PARP3: variants seen among roughly 807,000 people sequenced by gnomAD.
The protein encoded by PARP3 is protein mono-ADP-ribosyltransferase PARP3.
A neutral mutation model predicts 58.2 loss-of-function variants in PARP3; 46 were observed. The observed-to-expected ratio is 0.79, with a 90% CI of 0.62 to 1.01. PARP3 has a LOEUF of 1.01. Ranked by LOEUF, PARP3 falls within the 50% of genes least tolerant of loss-of-function variation. The pLI is 0.00. For missense variants in PARP3, 663 were observed against 683.9 expected (o/e 0.97, Z 0.34); for synonymous variants, 252 against 266.4 (o/e 0.95, Z 0.53).
rs757047542 is a variant in PARP3, at chr3:51,944,905, A to G, written c.629A>G (p.Asp210Gly). ...TTCAAGAACACCATGGCCCTCATGGACCTGGGTGAGGGGTGAGAGGCAGGC... is the reference window on the plus strand; with the variant it reads ...TTCAAGAACACCATGGCCCTCATGGGCCTGGGTGAGGGGTGAGAGGCAGGC... ...EMFKNTMALM[D>G]LDVKKMPLGK... The change falls in exon 5 of 11, where the codon GAC becomes GGC. Residue 210 changes from aspartate to glycine, a missense_variant. Physicochemically the swap from Asp to Gly is moderately conservative, Grantham distance 94 (BLOSUM62 -1). Around this residue, in one of 3 missense-constraint regions of PARP3, gnomAD observed 567 missense variants for 553.6 expected, o/e 1.02. Coordinates refer to ENST00000398755, the MANE Select transcript of PARP3 (RefSeq NM_001003931.4). The surrounding 1 kb of genome is among the most constrained non-coding windows in gnomAD (Gnocchi z 4.2). 3.7e-6 allele frequency: 6 copies of G among 1,613,844 alleles called. No individual in the cohort carries two copies. The South Asian group carries it at 6.6e-5, about 18-fold the overall frequency.
At position 51,948,532 on chromosome 3, in the gene PARP3, C is replaced by T; in HGVS notation, c.*52C>T. On this transcript the variant is annotated 3_prime_UTR_variant, in exon 11 of 11. Transcript: ENST00000398755. ...GCAAGGCTGGACTGTGATCTTCAAT[C>T]ATCCTGCCCATCTCTGGTACCCCTA... 1 of 1,509,044 alleles carries T rather than the reference C, an allele frequency of 6.6e-7. No individual in the cohort carries two copies. The highest frequency in any genetic ancestry group is 9.2e-7 in the Non-Finnish European group (1 of 1,089,682). The allele number at this position is 1,509,044 out of a possible 1,614,324, so 93.5% of individuals were successfully genotyped here.
chr3:51,945,430 TGA>T (rs1032832565), intron 6 of PARP3, 63 bp from the exon 7 acceptor site: 35 of 1,559,064 alleles, frequency 2.2e-5, no homozygotes, highest in African/African-American at 2.7e-5. Context: ...ACCAGTCATG[TGA>T]GAGAGGAGAG....
rs949251806 is a variant in PARP3, at chr3:51,943,278, G to A, written c.-2-76G>A. On this transcript the variant is annotated intron_variant, in intron 1 of 10. Coordinates refer to ENST00000398755, the MANE Select transcript of PARP3 (RefSeq NM_001003931.4). ...TTGGTGCTGTGCTGGCCCAGGGCAG[G>A]GGTGGGGACTGAGAGTGGGTCGTTG... 30 of 1,391,112 alleles carry A rather than the reference G, an allele frequency of 2.2e-5. 1 individual carries two copies. In the Admixed American group the frequency reaches 8.1e-4, roughly 37 times the overall value. 86.2% of individuals were successfully genotyped at this position (1,391,112 alleles called of 1,614,324 possible).
At position 51,946,266 on chromosome 3, in the gene PARP3, G is replaced by T; in HGVS notation, c.1199G>T (p.Arg400Leu). 6.2e-7 allele frequency: 1 copy of T among 1,613,968 alleles called. No homozygotes were observed. The highest frequency in any genetic ancestry group is 8.5e-7 in the Non-Finnish European group (1 of 1,179,938). ...GCCGCCATCCTCACTAGTGGGCTCC[G>T]CATCATGCCACATTCTGGTGGGCGT... ...VVAAILTSGLRIMPHSGGRVG... is the reference protein window; with the variant it reads ...VVAAILTSGLLIMPHSGGRVG... Residue 400 changes from arginine (R) to leucine (L), a missense_variant, in exon 9 of 11, where the codon CGC (arginine) becomes CTC (leucine). By Grantham distance (102) the Arg-to-Leu change is moderately radical (BLOSUM62 -2). Around this residue, in one of 3 missense-constraint regions of PARP3, gnomAD observed 567 missense variants for 553.6 expected, o/e 1.02. Coordinates refer to ENST00000398755, the MANE Select transcript of PARP3 (RefSeq NM_001003931.4). This position sits in a 1 kb window ranked among gnomAD's most constrained non-coding sequence, Gnocchi z 4.6.
intron 1 of PARP3, 56 bp downstream of exon 1, chr3:51,942,764 G>A: frequency 6.5e-7 from 1 of 1,547,116 alleles, no homozygotes; most frequent in Non-Finnish European, 8.7e-7. Flanking sequence ...GGTGGGACTG[G>A]CCTTTGCCCT....
In PARP3 at chr3:51,947,755, G is replaced by T. The variant is rs1202311231; in HGVS notation, c.1292G>T (p.Cys431Phe). The change falls in exon 10 of 11, where the codon TGT becomes TTT. Residue 431 changes from cysteine to phenylalanine, a missense_variant. Around this residue, in one of 3 missense-constraint regions of PARP3, gnomAD observed 567 missense variants for 553.6 expected, o/e 1.02. Coordinates refer to ENST00000398755, the MANE Select transcript of PARP3 (RefSeq NM_001003931.4). Reference protein sequence around the residue: ...KSAGYVIGMKCGAHHVGYMFL... With the variant: ...KSAGYVIGMKFGAHHVGYMFL... The stretch of plus-strand genomic sequence containing the variant: ...TGTCTTGCAGTTATTGGCATGAAGT[G>T]TGGGGCCCACCATGTCGGCTACATG... 6.2e-7 allele frequency: 1 copy of T among 1,614,052 alleles called. No homozygotes were observed. Among genetic ancestry groups the T allele is most frequent in the Admixed American group, 1.7e-5 (1 of 60,000 alleles).
In PARP3 at chr3:51,944,780, G is replaced by C. The variant is rs1414887866; in HGVS notation, c.504G>C (p.Val168=). ...CCACATGTGCCCTCTATCTTCAGGT[G>C]GACAGAGGCCCAGTGAGGACTGTGA... is the stretch of plus-strand genomic sequence containing the variant. ...EDEAQEAVVK[V]DRGPVRTVTK... Residue 168 remains valine, a splice_region_variant and synonymous_variant, in exon 5 of 11, where the codon GTG becomes GTC. Transcript: ENST00000398755. This position sits in a 1 kb window ranked among gnomAD's most constrained non-coding sequence, Gnocchi z 4.2. 6.2e-7 allele frequency: 1 copy of C among 1,608,534 alleles called. No individual in the cohort carries two copies. The highest frequency in any genetic ancestry group is 1.3e-5 in the African/African-American group (1 of 74,800).
rs566140616 is a variant in PARP3 at position 51,942,730 on chromosome 3, C to G, written c.-3+22C>G. ...TTGGGTGAGTGTCCTATGGTCCTGC[C>G]CACGGCAGGGCAGGGCAAGGCCTGG... On this transcript the variant is annotated intron_variant, in intron 1 of 10. Coordinates refer to ENST00000398755, the MANE Select transcript of PARP3 (RefSeq NM_001003931.4). The G allele has an allele frequency of 1.9e-6, 3 of 1,555,528 alleles. No individual in the cohort carries two copies. The South Asian group carries it at 3.6e-5, about 18-fold the overall frequency.
rs1230533247 is a variant in PARP3, at chr3:51,948,734, CA to C, written c.*255del. The C allele has an allele frequency of 5.2e-5, 24 of 462,196 alleles. No homozygotes were observed. Among genetic ancestry groups the C allele is most frequent in the Non-Finnish European group, 8.8e-5 (23 of 260,688 alleles). The allele number at this position is 462,196 out of a possible 1,614,324, so 28.6% of individuals were successfully genotyped here. A position where few individuals can be genotyped will look rare whatever the true frequency, so the allele number is the denominator to read the frequency against. ...ATTTGACTCTTTACTTGTATAAGGG[CA>C]GCTTTTATAGGTTCCACATGTAAGT... On this transcript the variant is annotated 3_prime_UTR_variant, in exon 11 of 11. Transcript: ENST00000398755.
At position 51,944,892 on chromosome 3, in the gene PARP3, A is replaced by G. The variant is rs200955531; in HGVS notation, c.616A>G (p.Met206Val). The G allele has an allele frequency of 1.2e-4, 201 of 1,613,738 alleles. No homozygotes were observed. Among genetic ancestry groups the G allele is most frequent in the Non-Finnish European group, 1.1e-4 (132 of 1,180,010 alleles). The part of the protein sequence containing the change: ...IFSKEMFKNT[M>V]ALMDLDVKKM... ...CAGCAAGGAGATGTTCAAGAACACCATGGCCCTCATGGACCTGGGTGAGGG... is the reference window on the plus strand; with the variant it reads ...CAGCAAGGAGATGTTCAAGAACACCGTGGCCCTCATGGACCTGGGTGAGGG... Residue 206 changes from methionine to valine, a missense_variant, in exon 5 of 11, where the codon ATG becomes GTG. Met to Val is a conservative substitution (Grantham distance 21). This residue lies in a region of PARP3 where 567 missense variants were observed against 553.6 expected (regional missense o/e 1.02). Transcript: ENST00000398755. This position sits in a 1 kb window ranked among gnomAD's most constrained non-coding sequence, Gnocchi z 4.2.
In PARP3 at chr3:51,946,005, C is replaced by T. The variant is rs948416306; in HGVS notation, c.1098+66C>T. 7.5e-6 allele frequency: 11 copies of T among 1,463,346 alleles called. No homozygotes were observed. Among genetic ancestry groups the T allele is most frequent in the South Asian group, 3.5e-5 (3 of 86,928 alleles). 90.6% of individuals were successfully genotyped at this position (1,463,346 alleles called of 1,614,324 possible). On this transcript the variant is annotated intron_variant, in intron 8 of 10. Transcript: ENST00000398755. The surrounding 1 kb of genome is among the most constrained non-coding windows in gnomAD (Gnocchi z 4.6). ...CCTTAGGAAGATGTCCTTGGCTAAT[C>T]GGTCCCTTAGCAAATCGTTTAGCAG...
chr3:51,943,800 C>T (rs145091736), intron 2 of PARP3, among the ~76,000 whole-genome samples: 75 of 152,250 alleles, frequency 4.9e-4, no homozygotes, highest in Non-Finnish European at 9.4e-4. Flanking sequence ...GTCTCCTGGG[C>T]GCTTGCCCAT....
In PARP3 at chr3:51,944,166, G is replaced by GGAT; in HGVS notation, c.261_262insGAT (p.Leu87_Leu88insAsp). ...ACAACAAGTTCTACATCATCCAGCT[G>GGAT]CTCCAAGACAGCAACCGCTTCTTCA... On this transcript the variant is annotated inframe_insertion, in exon 3 of 11. Transcript: ENST00000398755. The surrounding 1 kb of genome is among the most constrained non-coding windows in gnomAD (Gnocchi z 4.2). 1 of 1,613,964 alleles carries GGAT rather than the reference G, an allele frequency of 6.2e-7. No homozygotes were observed. The highest frequency in any genetic ancestry group is 8.5e-7 in the Non-Finnish European group (1 of 1,179,978).
Position 51,946,015 on chromosome 3 carries a change from G to A in PARP3, c.1098+76G>A. The A allele has an allele frequency of 7.0e-7, 1 of 1,438,360 alleles. No individual in the cohort carries two copies. The highest frequency in any genetic ancestry group is 9.7e-7 in the Non-Finnish European group (1 of 1,026,156). 89.1% of individuals were successfully genotyped at this position (1,438,360 alleles called of 1,614,324 possible). A position where few individuals can be genotyped will look rare whatever the true frequency, so the allele number is the denominator to read the frequency against. ...ATGTCCTTGGCTAATCGGTCCCTTA[G>A]CAAATCGTTTAGCAGCTCTGGTCAG... On this transcript the variant is annotated intron_variant, in intron 8 of 10. Transcript: ENST00000398755. The surrounding 1 kb of genome is among the most constrained non-coding windows in gnomAD (Gnocchi z 4.6).
At position 51,946,244 on chromosome 3, in the gene PARP3, G is replaced by T; in HGVS notation, c.1177G>T (p.Ala393Ser). The stretch of plus-strand genomic sequence containing the variant: ...TGGCACCAACATGGCCGTGGTGGCC[G>T]CCATCCTCACTAGTGGGCTCCGCAT... ...WHGTNMAVVA[A>S]ILTSGLRIMP... Residue 393 changes from alanine to serine, a missense_variant, in exon 9 of 11, where the codon GCC becomes TCC. By Grantham distance (99) the Ala-to-Ser change is moderately conservative. Coordinates refer to ENST00000398755, the MANE Select transcript of PARP3 (RefSeq NM_001003931.4). This position sits in a 1 kb window ranked among gnomAD's most constrained non-coding sequence, Gnocchi z 4.6. The T allele has an allele frequency of 6.2e-7, 1 of 1,613,898 alleles. No individual in the cohort carries two copies. Among genetic ancestry groups the T allele is most frequent in the Admixed American group, 1.7e-5 (1 of 60,004 alleles).
intron 10 of PARP3, 60 bp downstream of exon 10, chr3:51,947,955 AC>A: frequency 2.0e-6 from 3 of 1,531,420 alleles, no homozygotes; most frequent in Non-Finnish European, 2.7e-6. Flanking sequence ...AGGGGCTGGG[AC>A]ATTTTCAGGG....
At position 51,945,627 on chromosome 3, in the gene PARP3, G is replaced by A. The variant is rs1559748129; in HGVS notation, c.994G>A (p.Gly332Arg). 1 of 1,613,884 alleles carries A rather than the reference G, an allele frequency of 6.2e-7. No individual in the cohort carries two copies. The highest frequency in any genetic ancestry group is 1.1e-5 in the South Asian group (1 of 91,070). ...LKCQLQLLDS[G>R]APEYKVIQTY... ...GTGCCAGCTGCAGCTGCTAGACTCT[G>A]GAGCACCTGAGTACAAGGTGAGTTG... The change falls in exon 7 of 11, where the codon GGA becomes AGA. Residue 332 changes from glycine (G) to arginine (R), a missense_variant. Around this residue, in one of 3 missense-constraint regions of PARP3, gnomAD observed 567 missense variants for 553.6 expected, o/e 1.02. Transcript: ENST00000398755.
Position 51,945,645 on chromosome 3 carries a change from G to C in PARP3, c.1011+1G>C. On this transcript the variant is annotated splice_donor_variant, in intron 7 of 10. Coordinates refer to ENST00000398755, the MANE Select transcript of PARP3 (RefSeq NM_001003931.4). LOFTEE classifies it high-confidence loss of function. ...AGACTCTGGAGCACCTGAGTACAAGGTGAGTTGGGCCCCACAGAGGGGCCA... is the reference window on the plus strand; with the variant it reads ...AGACTCTGGAGCACCTGAGTACAAGCTGAGTTGGGCCCCACAGAGGGGCCA... The C allele has an allele frequency of 1.2e-6, 2 of 1,613,762 alleles. No individual in the cohort carries two copies. Among genetic ancestry groups the C allele is most frequent in the Non-Finnish European group, 1.7e-6 (2 of 1,179,970 alleles).
rs576144827 is a variant in PARP3 at position 51,947,495 on chromosome 3, G to C, written c.1277-245G>C. 14 of 533,758 alleles carry C rather than the reference G, an allele frequency of 2.6e-5. No homozygotes were observed. The South Asian group carries it at 3.1e-4, about 12-fold the overall frequency. The allele number at this position is 533,758 out of a possible 1,614,324, so 33.1% of individuals were successfully genotyped here. A position where few individuals can be genotyped will look rare whatever the true frequency, so the allele number is the denominator to read the frequency against. On this transcript the variant is annotated intron_variant, in intron 9 of 10. Coordinates refer to ENST00000398755, the MANE Select transcript of PARP3 (RefSeq NM_001003931.4). ...GGAGAAAAGCCCCTGCCACGGGTTT[G>C]GTCACTGGGAGGCCATTGCTGACCT...
Sources: gnomAD v4.1 joint callset for allele counts (sites outside exome capture counted in the v4.1 genomes callset) on GRCh38, gnomAD v4.1.1 for gene constraint, gnomAD v4.1.1 regional missense constraint, Gnocchi (gnomAD v3.1) non-coding constraint, MANE v1.5 for transcripts, NCBI Gene and HGNC (gene_info 2026-07-23, HGNC 2026-07-21) for gene names.